Variants in MEF2C observed in about 807,000 individuals in gnomAD.
MEF2C encodes myocyte-specific enhancer factor 2C.
MEF2C carries 6 observed loss-of-function variants against 50.5 expected under a neutral mutation model. That is an observed-to-expected ratio of 0.12 (90% confidence interval 0.07 to 0.23). MEF2C has a LOEUF of 0.23. Ranked by LOEUF, MEF2C falls within the 10% of genes least tolerant of loss-of-function variation. The pLI, the probability that MEF2C is intolerant of heterozygous loss-of-function variation, is 1.00. For synonymous variants in MEF2C, 183 were observed against 228.0 expected (o/e 0.80, Z 1.78); for missense variants, 276 against 605.0 (o/e 0.46, Z 5.70).
intron 3 of MEF2C, among the ~76,000 whole-genome samples, chr5:88,786,108 A>G (rs1032427347): frequency 2.0e-5 from 3 of 152,134 alleles, no homozygotes; most frequent in African/African-American, 4.8e-5. Context: ...GTTAGGGAAA[A>G]ATTAAAAAAA....
At chr5:88,812,180 G>C (rs1803142678) in intron 2 of MEF2C, among the ~76,000 whole-genome samples, 1 of 152,098 alleles carries the variant, frequency 6.6e-6, no homozygotes, top group Non-Finnish European at 1.5e-5. Flanking sequence ...GTCTAGATTA[G>C]AGTGTCTCTC....
rs1760342179 is a variant in MEF2C, at chr5:88,729,282, A to T, written c.900T>A (p.Thr300=). 6.2e-7 allele frequency: 1 copy of T among 1,613,068 alleles called. No homozygotes were observed. Among genetic ancestry groups the T allele is most frequent in the Admixed American group, 1.7e-5 (1 of 59,900 alleles). The part of the protein sequence containing the change: ...SLATPVVSVA[T]PTLPGQGMGG... ...CCATTCCTTGTCCTGGTAAAGTAGG[A>T]GTTGCTACGGAAACCACTGGGGTAG... Residue 300 remains threonine (T), a synonymous_variant, in exon 9 of 11, where the codon ACT becomes ACA. Transcript: ENST00000504921.
At chr5:88,848,593 T>G (rs1248966071) in intron 1 of MEF2C, among the ~76,000 whole-genome samples, 1 of 152,188 alleles carries the variant, frequency 6.6e-6, no homozygotes, top group East Asian at 1.9e-4. Context: ...CTCCACACTG[T>G]TAACTAGTGA....
At chr5:88,809,885 C>T (rs1046415150) in intron 2 of MEF2C, among the ~76,000 whole-genome samples, 4 of 152,098 alleles carry the variant, frequency 2.6e-5, no homozygotes, top group Non-Finnish European at 4.4e-5. Context: ...TTGATGCTTT[C>T]CTTGTCACAT....
intron 1 of MEF2C, among the ~76,000 whole-genome samples, chr5:88,851,233 C>A (rs1202888819): frequency 0.021 from 2,183 of 106,464 alleles, no homozygotes; most frequent in Admixed American, 0.022. Context: ...CTCCATCTCA[C>A]AAAAAAAAAA....
At chr5:88,740,053 T>G (rs889562206) in intron 6 of MEF2C, 51 of 985,216 alleles carry the variant, frequency 5.2e-5, no homozygotes, top group Non-Finnish European at 5.8e-5. Flanking sequence ...ACCCCAAGAC[T>G]ATACCAAAGC....
intron 2 of MEF2C, among the ~76,000 whole-genome samples, chr5:88,805,772 T>C (rs114440539): frequency 3.3e-5 from 5 of 151,624 alleles, no homozygotes; most frequent in South Asian, 4.2e-4. Flanking sequence ...TCTCTTTTAA[T>C]TGAACTTCAG....
intron 1 of MEF2C, among the ~76,000 whole-genome samples, chr5:88,841,349 A>T (rs892271684): frequency 2.6e-5 from 4 of 152,050 alleles, no homozygotes; most frequent in African/African-American, 7.2e-5. Flanking sequence ...TCTACAAAAA[A>T]TTTAAAAATT....
Position 88,733,382 on chromosome 5 carries a change from A to C in MEF2C, c.638-1481T>G, listed in dbSNP as rs530162886. The C allele has an allele frequency of 1.1e-5, 11 of 985,260 alleles. No homozygotes were observed. The South Asian group carries it at 2.4e-4, about 21-fold the overall frequency. The allele number at this position is 985,260 out of a possible 1,614,324, so 61.0% of individuals were successfully genotyped here. On this transcript the variant is annotated intron_variant, in intron 6 of 10. Coordinates refer to ENST00000504921, the MANE Select transcript of MEF2C (RefSeq NM_002397.5). ...CTGTGGAGATCTCAAATTCCAGGCT[A>C]AAAGTCCTTGGGTTTATATGGTGGA...
chr5:88,834,943 T>C lies in MEF2C; in HGVS notation c.-142-11013A>G, dbSNP rs1048443742. ...CATACACTAATTGTGTAAACTTGCTTCCTTCACTGATATTATATAATTTTA... is the reference window on the plus strand; with the variant it reads ...CATACACTAATTGTGTAAACTTGCTCCCTTCACTGATATTATATAATTTTA... On this transcript the variant is annotated intron_variant, in intron 1 of 10. Transcript: ENST00000504921. 2.0e-5 allele frequency among the ~76,000 whole-genome samples: 3 copies of C among 152,194 alleles called. No homozygotes were observed. The East Asian group carries it at 5.8e-4, about 29-fold the overall frequency.
upstream of MEF2C, among the ~76,000 whole-genome samples, chr5:88,884,136 C>G (rs1386200341): frequency 6.6e-6 from 1 of 152,246 alleles, no homozygotes; most frequent in Non-Finnish European, 1.5e-5. Context: ...CCTAGTCTCC[C>G]GCTGCGGCGC....
chr5:88,803,696 A>T (rs182098164), intron 3 of MEF2C, among the ~76,000 whole-genome samples: 1 of 152,330 alleles, frequency 6.6e-6, no homozygotes, highest in East Asian at 1.9e-4. Context: ...AGGGTACTAC[A>T]AAGTATTTAA....
intron 4 of MEF2C, among the ~76,000 whole-genome samples, chr5:88,758,550 AAC>A (rs1776393447): frequency 1.3e-5 from 2 of 152,196 alleles, no homozygotes; most frequent in Admixed American, 1.3e-4. Flanking sequence ...GAAATAGAAA[AAC>A]AGTCTTGTAA....
intron 10 of MEF2C, among the ~76,000 whole-genome samples, chr5:88,723,997 G>A (rs533859080): frequency 1.3e-5 from 2 of 152,256 alleles, no homozygotes; most frequent in East Asian, 3.9e-4. Flanking sequence ...TAGTGGCATT[G>A]CTCGCATCAA....
At chr5:88,788,186 ATTTATTTAT>A (rs1308229355) in intron 3 of MEF2C, among the ~76,000 whole-genome samples, 1 of 138,476 alleles carries the variant, frequency 7.2e-6, no homozygotes, top group African/African-American at 2.5e-5. Context: ...TTGTTTATTT[ATTTATTTAT>A]TTATTTATTT....
At chr5:88,889,577 T>G (rs1196879446) in intron 1 of MEF2C, 4 of 150,814 alleles carry the variant, frequency 2.7e-5, no homozygotes, top group African/African-American at 9.9e-5. Flanking sequence ...GTGCGACGAG[T>G]GGGCGGCCAC....
intron 3 of MEF2C, chr5:88,782,006 G>A (rs1788342808): frequency 4.3e-6 from 2 of 459,828 alleles, no homozygotes; most frequent in African/African-American, 2.1e-5. Context: ...AACTGCACAT[G>A]TTCTGAGGAA....
chr5:88,770,972 C>G (rs556124368), intron 3 of MEF2C, among the ~76,000 whole-genome samples: 7 of 152,222 alleles, frequency 4.6e-5, no homozygotes, highest in African/African-American at 1.4e-4. Context: ...TTCACAGTTT[C>G]ACATGGCTGG....
chr5:88,749,233 G>T, intron 5 of MEF2C, 116 bp from the exon 6 acceptor site: 1 of 1,289,832 alleles, frequency 7.8e-7, no homozygotes, highest in Non-Finnish European at 1.0e-6. Flanking sequence ...AACTTGTAAA[G>T]TACAACCCAA....
Sources: gnomAD v4.1 joint callset for allele counts (sites outside exome capture counted in the v4.1 genomes callset) on GRCh38, gnomAD v4.1.1 for gene constraint, MANE v1.5 for transcripts, NCBI Gene and HGNC (gene_info 2026-07-23, HGNC 2026-07-21) for gene names.